The following WIPF2 variants were observed in gnomAD, a reference collection of about 807,000 sequenced individuals.
WIPF2 encodes WAS/WASL-interacting protein family member 2.
WIPF2 carries 23 observed loss-of-function variants against 38.8 expected under a neutral mutation model. The ratio of observed to expected loss-of-function variants is 0.59; its 90% confidence interval spans 0.43 to 0.84. The LOEUF (loss-of-function observed/expected upper bound fraction) is 0.84. Ranked by LOEUF, WIPF2 falls within the 40% of genes least tolerant of loss-of-function variation. The probability of loss-of-function intolerance (pLI) is 0.00; values close to 1 mark genes in which losing one functional copy is unlikely to be tolerated. For missense variants in WIPF2, 574 were observed against 580.5 expected (o/e 0.99, Z 0.11); for synonymous variants, 210 against 223.2 (o/e 0.94, Z 0.53).
rs1598457585 is a variant in WIPF2 at position 40,219,388 on chromosome 17, GCGGCGGCGGCGA to G, written c.-168_-157del. The G allele has an allele frequency of 4.8e-6, 2 of 419,750 alleles. No individual in the cohort carries two copies. The highest frequency in any genetic ancestry group is 9.0e-6 in the Non-Finnish European group (2 of 221,640). 26.0% of individuals were successfully genotyped at this position (419,750 alleles called of 1,614,324 possible). On this transcript the variant is annotated 5_prime_UTR_variant, in exon 1 of 8. Coordinates refer to ENST00000323571, the MANE Select transcript of WIPF2 (RefSeq NM_133264.5). ...GGCGGTGGCGGCGGCGGCGGCGGCGGCGGCGGCGGCGACGGCGAGAAAGAGCTTGCCGGGGGG... is the reference window on the plus strand; with the variant it reads ...GGCGGTGGCGGCGGCGGCGGCGGCGGCGGCGAGAAAGAGCTTGCCGGGGGG...
chr17:40,227,300 A>G (rs1378068266), intron 1 of WIPF2, among the ~76,000 whole-genome samples: 1 of 152,122 alleles, frequency 6.6e-6, no homozygotes, highest in Non-Finnish European at 1.5e-5. Context: ...CGGCCTTCCA[A>G]AGTGCTGGGA....
chr17:40,262,735 T>A, intron 4 of WIPF2, 94 bp downstream of exon 4: 1 of 992,104 alleles, frequency 1.0e-6, no homozygotes, highest in South Asian at 1.4e-5. Flanking sequence ...ATGGTAGAGG[T>A]GGGGGGAAGA....
At chr17:40,271,608 G>GT (rs757774623) in intron 5 of WIPF2, among the ~76,000 whole-genome samples, 20 of 152,212 alleles carry the variant, frequency 1.3e-4, no homozygotes, top group Non-Finnish European at 2.4e-4. Flanking sequence ...AATACTGGGA[G>GT]TTACGAAAAG....
At chr17:40,229,607 G>A (rs1470167360) in intron 1 of WIPF2, among the ~76,000 whole-genome samples, 1 of 152,020 alleles carries the variant, frequency 6.6e-6, no homozygotes, top group African/African-American at 2.4e-5. Flanking sequence ...TTTTAGTAGA[G>A]ATGGGGTTTC....
intron 1 of WIPF2, among the ~76,000 whole-genome samples, chr17:40,253,040 A>G (rs1445242945): frequency 6.6e-6 from 1 of 150,526 alleles, no homozygotes; most frequent in African/African-American, 2.5e-5. Flanking sequence ...TGCTAAGATT[A>G]CAGGCATTAG....
intron 2 of WIPF2, among the ~76,000 whole-genome samples, chr17:40,257,927 G>A (rs1277892058): frequency 1.3e-5 from 2 of 152,138 alleles, no homozygotes; most frequent in Non-Finnish European, 2.9e-5. Flanking sequence ...ATTGTACCCC[G>A]AAGAGGAAAA....
Position 40,282,507 on chromosome 17 carries a change from T to A in WIPF2, c.*4282T>A, listed in dbSNP as rs938694073. 6.6e-6 allele frequency: 1 copy of A among 152,276 alleles called. No individual in the cohort carries two copies. The highest frequency in any genetic ancestry group is 1.5e-5 in the Non-Finnish European group (1 of 68,040). 9.4% of individuals were successfully genotyped at this position (152,276 alleles called of 1,614,324 possible). On this transcript the variant is annotated 3_prime_UTR_variant, in exon 8 of 8. Transcript: ENST00000323571. ...TGTCTGCATGTGGATCAATTTCTTT[T>A]AGAAAATAATTTATTGTATGATTTA...
chr17:40,240,694 C>T (rs188637452), intron 1 of WIPF2, among the ~76,000 whole-genome samples: 39 of 151,806 alleles, frequency 2.6e-4, no homozygotes, highest in African/African-American at 9.2e-4. Context: ...CCTGTAATCC[C>T]GGCATTTTGG....
intron 1 of WIPF2, among the ~76,000 whole-genome samples, chr17:40,235,235 A>T (rs538972308): frequency 6.6e-6 from 1 of 152,130 alleles, no homozygotes; most frequent in African/African-American, 2.4e-5. Flanking sequence ...TTAAACCACA[A>T]TGGCACTGAT....
chr17:40,233,302 T>C (rs2030825460), intron 1 of WIPF2, among the ~76,000 whole-genome samples: 1 of 152,188 alleles, frequency 6.6e-6, no homozygotes, highest in African/African-American at 2.4e-5. Flanking sequence ...TAGGGTTTTT[T>C]GATTTTTGGT....
At chr17:40,259,511 G>A (rs991606315) in intron 2 of WIPF2, among the ~76,000 whole-genome samples, 2 of 151,676 alleles carry the variant, frequency 1.3e-5, no homozygotes, top group African/African-American at 2.4e-5. Context: ...GGCAATCAGA[G>A]CATTCACATC....
chr17:40,229,623 G>A (rs1275100075), intron 1 of WIPF2, among the ~76,000 whole-genome samples: 4 of 151,936 alleles, frequency 2.6e-5, no homozygotes, highest in African/African-American at 9.7e-5. Context: ...GTTTCACCAT[G>A]TTGGCCAGGC....
At chr17:40,268,666 A>G (rs898968280) in intron 5 of WIPF2, among the ~76,000 whole-genome samples, 1 of 152,070 alleles carries the variant, frequency 6.6e-6, no homozygotes, top group African/African-American at 2.4e-5. Context: ...CTTGGGCTCA[A>G]GCCATCCTCC....
intron 4 of WIPF2, among the ~76,000 whole-genome samples, chr17:40,263,103 A>G (rs2031964305): frequency 6.6e-6 from 1 of 152,066 alleles, no homozygotes; most frequent in Admixed American, 6.6e-5. Context: ...AAAGGGTACA[A>G]AGTTTCAGTT....
At chr17:40,236,380 C>T (rs1157733040) in intron 1 of WIPF2, among the ~76,000 whole-genome samples, 1 of 152,032 alleles carries the variant, frequency 6.6e-6, no homozygotes, top group Non-Finnish European at 1.5e-5. Flanking sequence ...GCTCTGTTGC[C>T]CAGGCTGGAG....
rs1311996422 is a variant in WIPF2 at position 40,230,658 on chromosome 17, A to G, written c.-70+11166A>G. Among the ~76,000 whole-genome samples the G allele has an allele frequency of 2.0e-5, 3 of 152,132 alleles. No homozygotes were observed. The East Asian group carries it at 5.8e-4, about 29-fold the overall frequency. The stretch of plus-strand genomic sequence containing the variant: ...AACAATTTTTAGATTATGGGGGATG[A>G]TGGGATTGTTAGTTTACCAGACTTG... On this transcript the variant is annotated intron_variant, in intron 1 of 7. Transcript: ENST00000323571.
At chr17:40,267,440 G>A (rs1356144805) in intron 5 of WIPF2, among the ~76,000 whole-genome samples, 2 of 152,122 alleles carry the variant, frequency 1.3e-5, no homozygotes, top group South Asian at 4.1e-4. Flanking sequence ...ACAGCTCTCT[G>A]GGGCCTTATT....
chr17:40,261,388 C>T (rs1414691618), intron 3 of WIPF2, among the ~76,000 whole-genome samples: 1 of 151,822 alleles, frequency 6.6e-6, no homozygotes, highest in African/African-American at 2.4e-5. Context: ...ACCTCCGCCT[C>T]CCAGGTTCAG....
In WIPF2 at chr17:40,222,587, T is replaced by TGTGTGTGTGTGTGTG. The variant is rs1027492144; in HGVS notation, c.-70+3095_-70+3096insGTGTGTGTGTGTGTG. Among the ~76,000 whole-genome samples, 715 of 146,404 alleles carry TGTGTGTGTGTGTGTG rather than the reference T, an allele frequency of 4.9e-3. 3 individuals carry two copies. The highest frequency in any genetic ancestry group is 6.5e-3 in the African/African-American group (257 of 39,328). On this transcript the variant is annotated intron_variant, in intron 1 of 7. Transcript: ENST00000323571. ...TAGCCTTGCTCATGTGTGTGTGTGT[T>TGTGTGTGTGTGTGTG]TGTGTGTGTGTGTGTGTGTCTGCGT...
Sources: allele counts gnomAD v4.1 joint callset (sites outside exome capture counted in the v4.1 genomes callset), GRCh38; gene constraint gnomAD v4.1.1; transcripts MANE v1.5; gene names NCBI Gene and HGNC (gene_info 2026-07-23, HGNC 2026-07-21).